Variants in DCBLD2 observed in about 807,000 individuals in gnomAD.
DCBLD2 encodes the protein discoidin, CUB and LCCL domain containing 2.
In DCBLD2, 54 loss-of-function variants were observed where a neutral mutation model predicts 86.8. That is an observed-to-expected ratio of 0.62 (90% CI 0.50 to 0.78). The LOEUF (loss-of-function observed/expected upper bound fraction) is 0.78. Among genes scored for constraint, DCBLD2 ranks in the 30% least tolerant of loss-of-function variants. The pLI is 0.00. For missense variants in DCBLD2, 908 were observed against 954.2 expected (o/e 0.95, Z 0.64); for synonymous variants, 354 against 341.3 (o/e 1.04, Z -0.41).
chr3:98,861,640 G>A (rs1355465246), intron 2 of DCBLD2, among the ~76,000 whole-genome samples: 7 of 152,098 alleles, frequency 4.6e-5, no homozygotes, highest in East Asian at 1.9e-4. Flanking sequence ...GGTACATAAC[G>A]AAATGAAGGC....
Position 98,861,737 on chromosome 3 carries a change from G to A in DCBLD2, c.434-12139C>T, listed in dbSNP as rs567776258. Among the ~76,000 whole-genome samples the A allele has an allele frequency of 2.6e-5, 4 of 151,982 alleles. No homozygotes were observed. In the South Asian group the frequency reaches 8.4e-4, roughly 32 times the overall value. ...GACACATTTAAAGCAGTGTGTAGAG[G>A]GAAATTTAAGCACTAAATGCCCACA... On this transcript the variant is annotated intron_variant, in intron 2 of 15. Transcript: ENST00000326840.
Position 98,836,199 on chromosome 3 carries a change from G to A in DCBLD2, c.572-10833C>T, listed in dbSNP as rs547758561. ...CCACATATTTACCAGCTGCTTCCCT[G>A]CCGGCAGGTGCTCTGGTTCTGCACT... On this transcript the variant is annotated intron_variant, in intron 3 of 15. Transcript: ENST00000326840. 1.6e-4 allele frequency among the ~76,000 whole-genome samples: 23 copies of A among 143,308 alleles called. 1 individual carries two copies. The highest frequency in any genetic ancestry group is 7.7e-4 in the Admixed American group (11 of 14,346). The allele number at this position is 143,308 out of a possible 152,430, so 94.0% of individuals were successfully genotyped here.
In DCBLD2 at chr3:98,887,312, G is replaced by C. The variant is rs564605971; in HGVS notation, c.206-5545C>G. 3.3e-5 allele frequency among the ~76,000 whole-genome samples: 5 copies of C among 152,040 alleles called. No homozygotes were observed. The South Asian group carries it at 1.0e-3, about 32-fold the overall frequency. On this transcript the variant is annotated intron_variant, in intron 1 of 15. Coordinates refer to ENST00000326840, the MANE Select transcript of DCBLD2 (RefSeq NM_080927.4). The stretch of plus-strand genomic sequence containing the variant: ...CATGGAGCTTTTACGAAACAGAAAA[G>C]TGTTCAGAAGAGTAAGTTGCAACTG...
At chr3:98,885,348 A>G (rs911163229) in intron 1 of DCBLD2, among the ~76,000 whole-genome samples, 2 of 152,120 alleles carry the variant, frequency 1.3e-5, no homozygotes, top group African/African-American at 2.4e-5. Flanking sequence ...AGCTTAACTA[A>G]GCACCTACTG....
intron 13 of DCBLD2, among the ~76,000 whole-genome samples, chr3:98,804,594 T>G (rs1941795184): frequency 6.6e-6 from 1 of 152,190 alleles, no homozygotes; most frequent in South Asian, 2.1e-4. Context: ...AGCTTTTCAA[T>G]GTGTTTGCTC....
rs1490432538 is a variant in DCBLD2, at chr3:98,817,919, T to G, written c.1088-26A>C. 2.5e-6 allele frequency: 4 copies of G among 1,609,644 alleles called. No individual in the cohort carries two copies. In the African/African-American group the frequency reaches 5.4e-5, roughly 22 times the overall value. On this transcript the variant is annotated intron_variant, in intron 8 of 15. Coordinates refer to ENST00000326840, the MANE Select transcript of DCBLD2 (RefSeq NM_080927.4). ...CTGGGGAATGAAGAGTTGCTTTCAT[T>G]AATGCACATGGTCTGATTCCCTAAG...
chr3:98,893,074 T>C (rs1943690948), intron 1 of DCBLD2, among the ~76,000 whole-genome samples: 1 of 151,846 alleles, frequency 6.6e-6, no homozygotes, highest in Non-Finnish European at 1.5e-5. Context: ...GGAACAATAA[T>C]TGGGGATAAA....
At chr3:98,818,010 T>G in intron 8 of DCBLD2, 117 bp from the exon 9 acceptor site, 1 of 1,294,554 alleles carries the variant, frequency 7.7e-7, no homozygotes, top group African/African-American at 1.5e-5. Context: ...TATGGCTCAT[T>G]TCCATATCCA....
At chr3:98,803,359 G>A (rs2107421711) in intron 13 of DCBLD2, among the ~76,000 whole-genome samples, 1 of 152,290 alleles carries the variant, frequency 6.6e-6, no homozygotes, top group African/African-American at 2.4e-5. Flanking sequence ...TGTTATTGGT[G>A]TATAAGAATG....
chr3:98,890,476 A>C (rs1348812949), intron 1 of DCBLD2: 1 of 152,130 alleles, frequency 6.6e-6, no homozygotes, highest in East Asian at 1.9e-4. Context: ...AATAAATTTA[A>C]GTCAGTTAAG....
Position 98,796,827 on chromosome 3 carries a change from A to G in DCBLD2, c.*2545T>C, listed in dbSNP as rs544466412. ...TCAGTGTAATTTTATGAAACCTGTA[A>G]TGGCCACATTTGTTGTGTCTCCGAT... On this transcript the variant is annotated 3_prime_UTR_variant, in exon 16 of 16. Transcript: ENST00000326840. The G allele has an allele frequency of 1.3e-5, 2 of 152,738 alleles. No homozygotes were observed. The highest frequency in any genetic ancestry group is 1.9e-4 in the East Asian group (1 of 5,184). The allele number at this position is 152,738 out of a possible 1,614,324, so 9.5% of individuals were successfully genotyped here. A position where few individuals can be genotyped will look rare whatever the true frequency, so the allele number is the denominator to read the frequency against.
chr3:98,797,543 A>G lies in DCBLD2; in HGVS notation c.*1829T>C, dbSNP rs1000530299. 3.9e-5 allele frequency: 6 copies of G among 152,514 alleles called. No homozygotes were observed. Among genetic ancestry groups the G allele is most frequent in the African/African-American group, 1.4e-4 (6 of 41,462 alleles). The allele number at this position is 152,514 out of a possible 1,614,324, so 9.4% of individuals were successfully genotyped here. On this transcript the variant is annotated 3_prime_UTR_variant, in exon 16 of 16. Transcript: ENST00000326840. ...ATTAATATATGTGCTTTCCACATCC[A>G]TATATGTTTTAATAAAAGTCTACCA...
chr3:98,811,475 T>C lies in DCBLD2; in HGVS notation c.1443A>G (p.Ile481Met), dbSNP rs749833073. Residue 481 changes from isoleucine (I) to methionine (M), a missense_variant, in exon 11 of 16, where the codon ATA becomes ATG. Ile to Met is a conservative substitution (Grantham distance 10). Transcript: ENST00000326840. ...CATTAAAAACAGGCATACCTTTGGC[T>C]ATTTTTGGAGGGGCTGTAGTGTTTT... ...DLKNTTAPPK[I>M]AKGRAPKFTQ... is the part of the protein sequence containing the mutation. 2.5e-6 allele frequency: 4 copies of C among 1,613,536 alleles called. No homozygotes were observed. The highest frequency in any genetic ancestry group is 3.4e-6 in the Non-Finnish European group (4 of 1,179,668).
rs73136067 is a variant in DCBLD2, at chr3:98,797,542, C to G, written c.*1830G>C. On this transcript the variant is annotated 3_prime_UTR_variant, in exon 16 of 16. Coordinates refer to ENST00000326840, the MANE Select transcript of DCBLD2 (RefSeq NM_080927.4). ...CATTAATATATGTGCTTTCCACATC[C>G]ATATATGTTTTAATAAAAGTCTACC... 0.11 allele frequency: 16,136 copies of G among 152,466 alleles called. 1,184 individuals are homozygous for G. The highest frequency in any genetic ancestry group is 0.16 in the Non-Finnish European group (11,054 of 67,980). The allele number at this position is 152,466 out of a possible 1,614,324, so 9.4% of individuals were successfully genotyped here.
At chr3:98,872,902 T>C (rs1943304708) in intron 2 of DCBLD2, among the ~76,000 whole-genome samples, 1 of 152,176 alleles carries the variant, frequency 6.6e-6, no homozygotes, top group South Asian at 2.1e-4. Flanking sequence ...TGGATTTAAC[T>C]TAGACATTAA....
chr3:98,827,635 CAAG>C (rs956679866), intron 3 of DCBLD2, among the ~76,000 whole-genome samples: 2 of 152,124 alleles, frequency 1.3e-5, no homozygotes, highest in African/African-American at 2.4e-5. Flanking sequence ...CAAGGAGAGC[CAAG>C]AAGACTGAAG....
intron 13 of DCBLD2, chr3:98,801,950 T>C (rs899280092): frequency 9.2e-5 from 22 of 238,468 alleles, no homozygotes; most frequent in African/African-American, 4.7e-4. Flanking sequence ...TAATTCAATC[T>C]ATCATTCATG....
At chr3:98,827,338 G>T (rs1173524620) in intron 3 of DCBLD2, among the ~76,000 whole-genome samples, 1 of 152,166 alleles carries the variant, frequency 6.6e-6, no homozygotes, top group Non-Finnish European at 1.5e-5. Context: ...ATTAGAAGTT[G>T]AATTTCTAAG....
Position 98,901,039 on chromosome 3 carries a change from C to A in DCBLD2, c.205+83G>T, listed in dbSNP as rs1943839126. The A allele has an allele frequency of 2.0e-6, 3 of 1,530,860 alleles. No individual in the cohort carries two copies. The South Asian group carries it at 3.6e-5, about 18-fold the overall frequency. 94.8% of individuals were successfully genotyped at this position (1,530,860 alleles called of 1,614,324 possible). On this transcript the variant is annotated intron_variant, in intron 1 of 15. Coordinates refer to ENST00000326840, the MANE Select transcript of DCBLD2 (RefSeq NM_080927.4). ...GAAAGCGCACCGCGCCTCCCTGCAG[C>A]GTCTGCAGATTTGTTCAGGGGCCAA...
Sources: gnomAD v4.1 joint callset for allele counts (sites outside exome capture counted in the v4.1 genomes callset) on GRCh38, gnomAD v4.1.1 for gene constraint, MANE v1.5 for transcripts, NCBI Gene and HGNC (gene_info 2026-07-23, HGNC 2026-07-21) for gene names.